TIPIN: variants seen among roughly 807,000 people sequenced by gnomAD.
The protein encoded by TIPIN is TIMELESS interacting protein, also known as TIMELESS-interacting protein.
A neutral mutation model predicts 35.6 loss-of-function variants in TIPIN; 29 were observed. The ratio of observed to expected loss-of-function variants is 0.82; its 90% CI spans 0.61 to 1.11. The LOEUF is 1.11. Among genes scored for constraint, TIPIN ranks in the 50% most tolerant of loss-of-function variants. TIPIN has a pLI of 0.00. For missense variants in TIPIN, 296 were observed against 345.4 expected (o/e 0.86, Z 1.13); for synonymous variants, 102 against 121.5 (o/e 0.84, Z 1.06).
intron 1 of TIPIN, chr15:66,371,321 A>T (rs2093276971): frequency 7.1e-6 from 7 of 984,910 alleles, no homozygotes; most frequent in Non-Finnish European, 8.4e-6. Flanking sequence ...TAAAAAACAG[A>T]AAAATTTGGA....
intron 7 of TIPIN, among the ~76,000 whole-genome samples, chr15:66,337,501 T>C (rs573462038): frequency 7.1e-4 from 108 of 152,040 alleles, no homozygotes; most frequent in Admixed American, 1.8e-3. Context: ...TTGGTATTTT[T>C]AGAAGAGACA....
chr15:66,356,032 T>C (rs893711357), intron 1 of TIPIN, among the ~76,000 whole-genome samples: 12 of 152,194 alleles, frequency 7.9e-5, no homozygotes, highest in East Asian at 1.9e-4. Flanking sequence ...TAGACACTTA[T>C]GAAATTGTCT....
Position 66,351,584 on chromosome 15 carries a change from C to A in TIPIN, c.229G>T (p.Gly77Ter). 6.2e-7 allele frequency: 1 copy of A among 1,611,568 alleles called. No homozygotes were observed. The highest frequency in any genetic ancestry group is 8.5e-7 in the Non-Finnish European group (1 of 1,178,776). The change falls in exon 4 of 8, where the codon GGA becomes TGA. Residue 77 changes from glycine (G) to a stop codon, truncating the protein, a stop_gained. Transcript: ENST00000261881. LOFTEE classifies it high-confidence loss of function. The part of the protein sequence containing the change: ...LDAQRLISER[G>*]LPALRHVFDK... ...AATACATGCCTTAAGGCTGGAAGTC[C>A]TCTCTCTGAAATTAATCTGTGAATA...
upstream of TIPIN, among the ~76,000 whole-genome samples, chr15:66,359,255 T>C (rs2093221091): frequency 6.6e-6 from 1 of 152,144 alleles, no homozygotes; most frequent in Admixed American, 6.6e-5. Flanking sequence ...CATGTATCTA[T>C]GTGTCACATT....
At position 66,381,889 on chromosome 15, in the gene TIPIN, C is replaced by T. The variant is rs2093319802; in HGVS notation, c.-9+4718G>A. On this transcript the variant is annotated intron_variant, in intron 1 of 7. Transcript: ENST00000562124. ...GACCAGCCTGCCCAACATGGCGAAA[C>T]CCTGTCTCTACTAAAAATACAAAAA... Among the ~76,000 whole-genome samples the T allele has an allele frequency of 2.0e-5, 3 of 152,170 alleles. No homozygotes were observed. In the South Asian group the frequency reaches 6.2e-4, roughly 32 times the overall value.
At chr15:66,377,509 C>T (rs373792071) in intron 1 of TIPIN, among the ~76,000 whole-genome samples, 10 of 151,988 alleles carry the variant, frequency 6.6e-5, no homozygotes, top group Admixed American at 2.0e-4. Flanking sequence ...GGACTACAGG[C>T]GCGTGCCACC....
intron 1 of TIPIN, among the ~76,000 whole-genome samples, chr15:66,373,938 A>G (rs2093286741): frequency 6.6e-6 from 1 of 152,096 alleles, no homozygotes; most frequent in South Asian, 2.1e-4. Flanking sequence ...CCTGGGCTCA[A>G]GCGACCCTTT....
chr15:66,361,375 T>G (rs62011726), upstream of TIPIN, among the ~76,000 whole-genome samples: 38,367 of 150,360 alleles, frequency 0.26, 5,484 homozygotes, highest in South Asian at 0.32. Context: ...CCTGCCTCAG[T>G]CTCCTGAGTA....
chr15:66,341,202 G>A lies in TIPIN; in HGVS notation c.630C>T (p.Ala210=), dbSNP rs2093084030. ...GCAGCTTTGCCTGCCTTCTTTCCAA[G>A]GCCAGTTGTTTATTTCTCTCAATTC... ...QQRIERNKQL[A]LERRQAKLLS... The change falls in exon 7 of 8, where the codon GCC becomes GCT. Residue 210 remains alanine, a synonymous_variant. Coordinates refer to ENST00000261881, the MANE Select transcript of TIPIN (RefSeq NM_017858.3). 1 of 1,612,462 alleles carries A rather than the reference G, an allele frequency of 6.2e-7. No individual in the cohort carries two copies. The highest frequency in any genetic ancestry group is 1.7e-5 in the Admixed American group (1 of 59,978).
intron 1 of TIPIN, chr15:66,379,338 T>C (rs2093309371): frequency 6.3e-6 from 10 of 1,592,622 alleles, no homozygotes; most frequent in South Asian, 1.1e-5. Context: ...TCTTAGATCT[T>C]ATTCATCATC....
rs537695153 is a variant in TIPIN, at chr15:66,373,879, C to T, written c.-9+12728G>A. ...CATTACACCTGGCTAATTTTTAAATCTTTTGTAGAGACAGGGTCGCCCTAT... is the reference window on the plus strand; with the variant it reads ...CATTACACCTGGCTAATTTTTAAATTTTTTGTAGAGACAGGGTCGCCCTAT... On this transcript the variant is annotated intron_variant, in intron 1 of 7. Transcript: ENST00000562124. Among the ~76,000 whole-genome samples, 63 of 151,808 alleles carry T rather than the reference C, an allele frequency of 4.1e-4. 1 individual carries two copies. In the South Asian group the frequency reaches 0.012, roughly 29 times the overall value.
At chr15:66,348,949 C>A in intron 6 of TIPIN, 111 bp downstream of exon 6, 1 of 815,112 alleles carries the variant, frequency 1.2e-6, no homozygotes, top group African/African-American at 1.7e-5. Flanking sequence ...TGTCCCTAAA[C>A]ATGAAACAAA....
At chr15:66,367,187 A>AATCTGTATCTAT (rs2093258306) in intron 1 of TIPIN, among the ~76,000 whole-genome samples, 1 of 130,854 alleles carries the variant, frequency 7.6e-6, no homozygotes, top group Admixed American at 7.8e-5. Flanking sequence ...CTCAAAAAAA[A>AATCTGTATCTAT]ATCTATATCT....
chr15:66,340,710 C>T (rs1332350869), intron 7 of TIPIN, among the ~76,000 whole-genome samples: 3 of 152,036 alleles, frequency 2.0e-5, no homozygotes, highest in African/African-American at 7.2e-5. Flanking sequence ...GATTCTCGTA[C>T]CTCAGCCTCC....
rs575581495 is a variant in TIPIN at position 66,370,580 on chromosome 15, T to G, written c.-9+16027A>C. Among the ~76,000 whole-genome samples the G allele has an allele frequency of 3.3e-5, 5 of 152,226 alleles. No individual in the cohort carries two copies. The South Asian group carries it at 1.0e-3, about 32-fold the overall frequency. On this transcript the variant is annotated intron_variant, in intron 1 of 7. Coordinates refer to the TIPIN transcript ENST00000562124. ...TACTCAGTTACTCAATAGGAACAGC[T>G]GCCAAACTCACAGGAGCTTAAAAAT...
intron 1 of TIPIN, among the ~76,000 whole-genome samples, chr15:66,384,968 G>A (rs2093331172): frequency 6.6e-6 from 1 of 152,088 alleles, no homozygotes; most frequent in Non-Finnish European, 1.5e-5. Context: ...ACAAAACAAT[G>A]AGTTCACACT....
At chr15:66,366,844 G>A (rs1212172053) in intron 1 of TIPIN, 1 of 984,766 alleles carries the variant, frequency 1.0e-6, no homozygotes, top group African/African-American at 1.8e-5. Flanking sequence ...GACTATGTGT[G>A]TCCAAAATGC....
intron 6 of TIPIN, among the ~76,000 whole-genome samples, chr15:66,343,225 G>A (rs920101476): frequency 2.6e-5 from 4 of 152,070 alleles, no homozygotes; most frequent in Admixed American, 1.3e-4. Flanking sequence ...AGGTAGAATA[G>A]AAGCACAAGC....
chr15:66,366,795 GA>G, intron 1 of TIPIN: 2 of 947,682 alleles, frequency 2.1e-6, no homozygotes, highest in Non-Finnish European at 2.5e-6. Flanking sequence ...AAGAAAGAAA[GA>G]AAAAAAGAAA....
Sources: allele counts gnomAD v4.1 joint callset (sites outside exome capture counted in the v4.1 genomes callset), GRCh38; gene constraint gnomAD v4.1.1; transcripts MANE v1.5; gene names NCBI Gene and HGNC (gene_info 2026-07-23, HGNC 2026-07-21).